Variants in DENND4C observed in about 807,000 individuals in gnomAD.
DENND4C encodes DENN domain containing 4C, also known as DENN domain-containing protein 4C.
A neutral mutation model predicts 203.0 loss-of-function variants in DENND4C; 108 were observed. That is an observed-to-expected ratio of 0.53 (90% CI 0.46 to 0.62). The LOEUF is 0.62. DENND4C is among the 20% of genes least tolerant of loss of function. DENND4C has a pLI of 0.00. For missense variants in DENND4C, 2,481 were observed against 2,301.2 expected, an observed-to-expected ratio of 1.08 and a Z score of -1.60; for synonymous variants, 871 against 792.4, an observed-to-expected ratio of 1.10 and a Z score of -1.67.
At chr9:19,232,450 A>G (rs1033313466) in intron 1 of DENND4C, among the ~76,000 whole-genome samples, 3 of 152,196 alleles carry the variant, frequency 2.0e-5, no homozygotes, top group Admixed American at 2.0e-4. Context: ...CGTGCAGTGT[A>G]CAGTACTACT....
intron 1 of DENND4C, among the ~76,000 whole-genome samples, chr9:19,252,265 A>C (rs1410527052): frequency 1.3e-5 from 2 of 152,104 alleles, no homozygotes; most frequent in Admixed American, 1.3e-4. Context: ...ATCTCGTGAG[A>C]CTTATTCACT....
At chr9:19,367,634 G>A (rs1160760994) in intron 30 of DENND4C, among the ~76,000 whole-genome samples, 3 of 152,240 alleles carry the variant, frequency 2.0e-5, no homozygotes, top group Non-Finnish European at 4.4e-5. Context: ...AGCTACTTGG[G>A]AGGATGAGGC....
intron 1 of DENND4C, among the ~76,000 whole-genome samples, chr9:19,258,681 A>G (rs1828595631): frequency 7.1e-6 from 1 of 141,450 alleles, no homozygotes; most frequent in African/African-American, 2.9e-5. Flanking sequence ...TTAAAGACAG[A>G]TTCTTGCTCT....
chr9:19,352,220 T>C, intron 25 of DENND4C, 38 bp downstream of exon 25: 1 of 1,551,938 alleles, frequency 6.4e-7, no homozygotes, highest in Non-Finnish European at 8.9e-7. Context: ...AAAGTAGCTG[T>C]AAGCATATTT....
intron 2 of DENND4C, among the ~76,000 whole-genome samples, chr9:19,277,155 C>T (rs997082771): frequency 4.0e-4 from 61 of 151,934 alleles, no homozygotes; most frequent in African/African-American, 1.3e-3. Context: ...ATTATCATTA[C>T]CATTACTAAA....
chr9:19,280,721 G>GT (rs1158489546), intron 2 of DENND4C, among the ~76,000 whole-genome samples: 21 of 150,354 alleles, frequency 1.4e-4, no homozygotes, highest in Admixed American at 7.9e-4. Flanking sequence ...TAAAAAAATT[G>GT]TTTTTTTTAA....
At chr9:19,351,125 A>G (rs962570251) in intron 24 of DENND4C, among the ~76,000 whole-genome samples, 32 of 151,974 alleles carry the variant, frequency 2.1e-4, no homozygotes, top group African/African-American at 7.7e-4. Flanking sequence ...CATTTGTTGA[A>G]ATGATTGAGA....
intron 1 of DENND4C, among the ~76,000 whole-genome samples, chr9:19,234,030 T>C (rs749644577): frequency 3.9e-4 from 59 of 152,222 alleles, no homozygotes; most frequent in Admixed American, 9.2e-4. Context: ...AATATTCTAA[T>C]CCTGTCTGTG....
At chr9:19,372,002 C>T in intron 32 of DENND4C, 35 bp from the exon 33 acceptor site, 2 of 1,594,024 alleles carry the variant, frequency 1.3e-6, no homozygotes, top group East Asian at 2.2e-5. Context: ...TCTTTCTTAA[C>T]AAATTACAAC....
intron 20 of DENND4C, among the ~76,000 whole-genome samples, chr9:19,338,414 G>A (rs1013463681): frequency 6.6e-6 from 1 of 152,006 alleles, no homozygotes; most frequent in South Asian, 2.1e-4. Context: ...CAATCTCCTA[G>A]TAATGCTGGG....
chr9:19,265,331 T>C (rs180723785), intron 1 of DENND4C, among the ~76,000 whole-genome samples: 13 of 152,330 alleles, frequency 8.5e-5, no homozygotes, highest in Non-Finnish European at 1.6e-4. Flanking sequence ...TTTTAAATTT[T>C]CCTTCTGAAT....
At chr9:19,312,372 G>A (rs1020153240) in intron 10 of DENND4C, among the ~76,000 whole-genome samples, 5 of 152,068 alleles carry the variant, frequency 3.3e-5, no homozygotes, top group African/African-American at 1.2e-4. Flanking sequence ...CAAAGTGCTG[G>A]GATTAAAGGT....
Position 19,342,343 on chromosome 9 carries a change from A to G in DENND4C, c.3005-290A>G, listed in dbSNP as rs145756138. On this transcript the variant is annotated intron_variant, in intron 21 of 32. Transcript: ENST00000434457. ...GTTATGGAGAAACAAGCCCCTCTCC[A>G]TTTGCCAAGTGATGAGAAGGAGAAC... Among the ~76,000 whole-genome samples the G allele has an allele frequency of 1.1e-4, 16 of 152,274 alleles. No individual in the cohort carries two copies. The East Asian group carries it at 3.1e-3, about 29-fold the overall frequency.
In DENND4C at chr9:19,240,521, C is replaced by T. The variant is rs1050078910; in HGVS notation, c.-18+9688C>T. 1.4e-4 allele frequency among the ~76,000 whole-genome samples: 22 copies of T among 152,010 alleles called. 2 individuals are homozygous for T. The highest frequency in any genetic ancestry group is 4.6e-4 in the Admixed American group (7 of 15,248). ...TCTCTACTAAAAATACAAAAATTAG[C>T]CTGGCATAGTGGTGTGTGCCTGTAG... On this transcript the variant is annotated intron_variant, in intron 1 of 32. Transcript: ENST00000434457.
chr9:19,314,163 C>CTG (rs1336341319), intron 10 of DENND4C, among the ~76,000 whole-genome samples: 3 of 151,908 alleles, frequency 2.0e-5, no homozygotes, highest in African/African-American at 7.3e-5. Context: ...GAACAAAAGA[C>CTG]TACACATGAG....
chr9:19,247,898 C>T lies in DENND4C; in HGVS notation c.-18+17065C>T, dbSNP rs1256389184. On this transcript the variant is annotated intron_variant, in intron 1 of 32. Transcript: ENST00000434457. ...CTTTTTTCCCCTTTTACTTCCAATC[C>T]ACCAGCAGCAGCTTTACCTTCAAAC... Among the ~76,000 whole-genome samples, 4 of 152,240 alleles carry T rather than the reference C, an allele frequency of 2.6e-5. No individual in the cohort carries two copies. In the South Asian group the frequency reaches 6.2e-4, roughly 24 times the overall value.
At chr9:19,250,917 A>G (rs182899765) in intron 1 of DENND4C, among the ~76,000 whole-genome samples, 1 of 152,266 alleles carries the variant, frequency 6.6e-6, no homozygotes, top group Admixed American at 6.5e-5. Context: ...TGGGCTGGTG[A>G]TGAGTGTCTG....
chr9:19,351,314 C>T (rs78651460), intron 24 of DENND4C, among the ~76,000 whole-genome samples: 3,143 of 152,160 alleles, frequency 0.021, 109 homozygotes, highest in African/African-American at 0.072. Flanking sequence ...TGCAAATGTC[C>T]AAGCCTAACG....
intron 2 of DENND4C, among the ~76,000 whole-genome samples, chr9:19,281,182 T>C (rs1355352581): frequency 6.6e-6 from 1 of 152,218 alleles, no homozygotes; most frequent in East Asian, 1.9e-4. Flanking sequence ...CGTAATTATA[T>C]GTAGGTGCTT....
Sources: allele counts gnomAD v4.1 joint callset (sites outside exome capture counted in the v4.1 genomes callset), GRCh38; gene constraint gnomAD v4.1.1; transcripts MANE v1.5; gene names NCBI Gene and HGNC (gene_info 2026-07-23, HGNC 2026-07-21).